PTPN14: variants seen among roughly 807,000 people sequenced by gnomAD.
The protein encoded by PTPN14 is protein tyrosine phosphatase non-receptor type 14, also known as tyrosine-protein phosphatase non-receptor type 14.
In PTPN14, 53 loss-of-function variants were observed where a neutral mutation model predicts 126.8. That is an observed-to-expected ratio of 0.42 (90% CI 0.34 to 0.53). The LOEUF (loss-of-function observed/expected upper bound fraction) is 0.53. Ranked by LOEUF, PTPN14 falls within the 20% of genes least tolerant of loss-of-function variation. PTPN14 has a pLI of 0.08. For synonymous variants in PTPN14, 630 were observed against 599.3 expected (o/e 1.05, Z -0.75); for missense variants, 1,257 against 1,552.9 (o/e 0.81, Z 3.20).
At position 214,536,896 on chromosome 1, in the gene PTPN14, A is replaced by G. The variant is rs1474486756; in HGVS notation, c.-155+14287T>C. Among the ~76,000 whole-genome samples, 5 of 152,330 alleles carry G rather than the reference A, an allele frequency of 3.3e-5. 1 individual carries two copies. Among genetic ancestry groups the G allele is most frequent in the Admixed American group, 1.3e-4 (2 of 15,310 alleles). On this transcript the variant is annotated intron_variant, in intron 1 of 18. Coordinates refer to ENST00000366956, the MANE Select transcript of PTPN14 (RefSeq NM_005401.5). Reference sequence around the variant, plus strand: ...ACTTTTGCGCCAACCTATAAAAAACATCAAAAAATTTTTAAATAGCTGGTC... The same window carrying G: ...ACTTTTGCGCCAACCTATAAAAAACGTCAAAAAATTTTTAAATAGCTGGTC...
chr1:214,453,449 A>T (rs1478183098), intron 2 of PTPN14, among the ~76,000 whole-genome samples: 2 of 152,098 alleles, frequency 1.3e-5, no homozygotes, highest in Non-Finnish European at 2.9e-5. Flanking sequence ...AGCCTTCTAG[A>T]CTCTCAGAGT....
chr1:214,546,225 G>A (rs758958976), intron 1 of PTPN14, among the ~76,000 whole-genome samples: 10 of 152,124 alleles, frequency 6.6e-5, no homozygotes, highest in African/African-American at 1.4e-4. Flanking sequence ...TACCTTAAAC[G>A]TGCTGAATCC....
At chr1:214,362,120 A>T (rs1657970186) in intron 18 of PTPN14, among the ~76,000 whole-genome samples, 1 of 152,232 alleles carries the variant, frequency 6.6e-6, no homozygotes, top group African/African-American at 2.4e-5. Flanking sequence ...TTTGCTTGAA[A>T]CACAAAATAA....
intron 2 of PTPN14, among the ~76,000 whole-genome samples, chr1:214,462,791 T>C (rs1660541619): frequency 6.6e-6 from 1 of 152,244 alleles, no homozygotes; most frequent in South Asian, 2.1e-4. Context: ...TTTATCTTCA[T>C]TTCACCAAGT....
intron 1 of PTPN14, among the ~76,000 whole-genome samples, chr1:214,484,281 G>A (rs1298007425): frequency 6.6e-6 from 1 of 152,178 alleles, no homozygotes; most frequent in Non-Finnish European, 1.5e-5. Flanking sequence ...GCACACACCT[G>A]TGGTCCTAGC....
chr1:214,379,782 T>C lies in PTPN14; in HGVS notation c.2545-1680A>G, dbSNP rs551490304. Among the ~76,000 whole-genome samples the C allele has an allele frequency of 3.5e-3, 535 of 152,368 alleles. 5 individuals carry two copies. Among genetic ancestry groups the C allele is most frequent in the African/African-American group, 0.012 (517 of 41,588 alleles). On this transcript the variant is annotated intron_variant, in intron 13 of 18. Coordinates refer to ENST00000366956, the MANE Select transcript of PTPN14 (RefSeq NM_005401.5). ...CTACTTCAAGTCTTCCTGCCTTTGC[T>C]TCAAGTTGTCCTGCCTTTCCAGACA...
chr1:214,470,863 A>G (rs1244876044), intron 1 of PTPN14, among the ~76,000 whole-genome samples: 1 of 148,336 alleles, frequency 6.7e-6, no homozygotes, highest in African/African-American at 2.5e-5. Context: ...AAAAAAATAT[A>G]TATATATAAA....
At chr1:214,469,251 CAAAA>C (rs1465577719) in intron 1 of PTPN14, among the ~76,000 whole-genome samples, 1 of 152,186 alleles carries the variant, frequency 6.6e-6, no homozygotes, top group African/African-American at 2.4e-5. Context: ...TTTAAGCTCT[CAAAA>C]AAGCCATTGC....
intron 3 of PTPN14, among the ~76,000 whole-genome samples, chr1:214,416,663 A>G (rs1019963986): frequency 1.3e-5 from 2 of 152,206 alleles, no homozygotes; most frequent in Admixed American, 1.3e-4. Flanking sequence ...AGCCATCCAA[A>G]CTAGGAGAGA....
intron 1 of PTPN14, chr1:214,528,940 A>AT (rs2102466724): frequency 6.6e-6 from 1 of 152,258 alleles, no homozygotes; most frequent in Admixed American, 6.6e-5. Context: ...CAAAAAAAAA[A>AT]AAAAGAATTG....
chr1:214,438,091 A>G (rs1412759963), intron 3 of PTPN14, among the ~76,000 whole-genome samples: 1 of 152,196 alleles, frequency 6.6e-6, no homozygotes, highest in Non-Finnish European at 1.5e-5. Context: ...TCAGGAGTCT[A>G]TCATCTCTTT....
chr1:214,415,060 G>A (rs1241185970), intron 3 of PTPN14, among the ~76,000 whole-genome samples: 3 of 152,018 alleles, frequency 2.0e-5, no homozygotes, highest in Non-Finnish European at 2.9e-5. Context: ...GGAGACCCAC[G>A]ACAACACGAC....
intron 1 of PTPN14, among the ~76,000 whole-genome samples, chr1:214,485,257 T>C (rs985194497): frequency 1.3e-5 from 2 of 152,158 alleles, no homozygotes; most frequent in Admixed American, 6.5e-5. Context: ...TGAGCACTTA[T>C]AAGTGAGCCT....
chr1:214,519,985 C>T (rs1467078352), intron 1 of PTPN14, among the ~76,000 whole-genome samples: 2 of 147,046 alleles, frequency 1.4e-5, no homozygotes, highest in East Asian at 4.0e-4. Context: ...GGGTTCGAGG[C>T]CACAGTAAGC....
chr1:214,541,950 A>G (rs1473004363), intron 1 of PTPN14, among the ~76,000 whole-genome samples: 2 of 152,180 alleles, frequency 1.3e-5, no homozygotes, highest in Non-Finnish European at 2.9e-5. Flanking sequence ...TTTAAATGAA[A>G]TATTTTAGAA....
chr1:214,412,699 GAGA>G (rs1182311067), intron 4 of PTPN14, among the ~76,000 whole-genome samples: 1 of 152,162 alleles, frequency 6.6e-6, no homozygotes, highest in African/African-American at 2.4e-5. Flanking sequence ...GGATTAGTTA[GAGA>G]AGGTTTCATC....
chr1:214,420,084 AG>A lies in PTPN14; in HGVS notation c.345-5359del, dbSNP rs1179272737. On this transcript the variant is annotated intron_variant, in intron 3 of 18. Transcript: ENST00000366956. ...CTGTTCAAGTTGACAGTCAATTAAA[AG>A]TCTGCACTGTCTAACAAACTACAAA... 1.3e-4 allele frequency among the ~76,000 whole-genome samples: 20 copies of A among 152,380 alleles called. 1 individual carries two copies. In the South Asian group the frequency reaches 4.1e-3, roughly 32 times the overall value.
intron 1 of PTPN14, among the ~76,000 whole-genome samples, chr1:214,524,374 G>A (rs1447248714): frequency 3.3e-5 from 5 of 152,080 alleles, no homozygotes; most frequent in Non-Finnish European, 5.9e-5. Flanking sequence ...GAAGAGGGCT[G>A]GGCGTGGTGG....
At chr1:214,513,939 C>CCAG (rs377471334) in intron 1 of PTPN14, among the ~76,000 whole-genome samples, 9 of 151,758 alleles carry the variant, frequency 5.9e-5, no homozygotes, top group South Asian at 4.1e-4. Flanking sequence ...ATCATTAGAA[C>CCAG]CAGCAGCAGC....
Sources: gnomAD v4.1 joint callset for allele counts (sites outside exome capture counted in the v4.1 genomes callset) on GRCh38, gnomAD v4.1.1 for gene constraint, MANE v1.5 for transcripts, NCBI Gene and HGNC (gene_info 2026-07-23, HGNC 2026-07-21) for gene names.